The following COL4A1 variants were observed in gnomAD, a reference collection of about 807,000 sequenced individuals.
COL4A1 encodes collagen type IV alpha 1 chain, also known as collagen alpha-1(IV) chain.
Under a neutral mutation model 216.6 loss-of-function variants are expected in COL4A1, and 40 were observed. The ratio of observed to expected loss-of-function variants is 0.18; its 90% CI spans 0.14 to 0.24. The LOEUF (loss-of-function observed/expected upper bound fraction) is 0.24, where lower values mean the gene tolerates loss of function less well. Among genes scored for constraint, COL4A1 ranks in the 10% least tolerant of loss-of-function variants. The pLI is 1.00. For synonymous variants in COL4A1, 839 were observed against 810.7 expected (o/e 1.03, Z -0.59); for missense variants, 1,628 against 2,196.8 (o/e 0.74, Z 5.18).
chr13:110,163,004 C>T (rs1411762464), intron 47 of COL4A1, among the ~76,000 whole-genome samples: 3 of 152,242 alleles, frequency 2.0e-5, no homozygotes, highest in Non-Finnish European at 4.4e-5. Context: ...GGGCTGAGCT[C>T]TTTGTTCAAT....
intron 1 of COL4A1, among the ~76,000 whole-genome samples, chr13:110,264,682 A>C (rs1286293390): frequency 6.6e-6 from 1 of 152,214 alleles, no homozygotes; most frequent in African/African-American, 2.4e-5. Flanking sequence ...AGTGAATCAA[A>C]AGTATTAAAT....
chr13:110,174,019 C>T (rs947830354), intron 39 of COL4A1, 21 bp from the exon 40 acceptor site: 6 of 1,613,164 alleles, frequency 3.7e-6, no homozygotes, highest in Non-Finnish European at 5.1e-6. Flanking sequence ...AAAGTCACAT[C>T]AGACACCCGC....
At chr13:110,254,989 G>A (rs189217166) in intron 1 of COL4A1, among the ~76,000 whole-genome samples, 1 of 152,224 alleles carries the variant, frequency 6.6e-6, no homozygotes, top group African/African-American at 2.4e-5. Context: ...CAAGGAGCTT[G>A]CTGGTTAAGA....
intron 1 of COL4A1, among the ~76,000 whole-genome samples, chr13:110,257,010 G>C (rs376967070): frequency 6.6e-6 from 1 of 152,102 alleles, no homozygotes. Flanking sequence ...TGAAACTAAA[G>C]TGTAGTTTTC....
At chr13:110,212,510 G>A in intron 5 of COL4A1, 31 bp from the exon 6 acceptor site, 1 of 1,614,186 alleles carries the variant, frequency 6.2e-7, no homozygotes, top group Non-Finnish European at 8.5e-7. Flanking sequence ...ATGTAACCCA[G>A]GCAGAAAATC....
At chr13:110,177,133 A>G (rs1877925531) in intron 33 of COL4A1, 96 bp from the exon 34 acceptor site, 3 of 1,573,018 alleles carry the variant, frequency 1.9e-6, no homozygotes, top group Non-Finnish European at 2.6e-6. Context: ...GCAGCTGGCA[A>G]AAAGGCTACA....
Position 110,209,273 on chromosome 13 carries a change from T to TAAAG in COL4A1, c.651+118_651+119insCTTT, listed in dbSNP as rs35638294. On this transcript the variant is annotated intron_variant, in intron 11 of 51. Coordinates refer to ENST00000375820, the MANE Select transcript of COL4A1 (RefSeq NM_001845.6). ...ATAGATACTTAAAGGTATAGTTAGA[T>TAAAG]ATAGTGTTAATTTTCCAACTTTTTT... The TAAAG allele has an allele frequency of 0.25, 195,746 of 794,442 alleles. 26,206 individuals carry two copies. The highest frequency in any genetic ancestry group is 0.32 in the Admixed American group (14,613 of 45,972). 49.2% of individuals were successfully genotyped at this position (794,442 alleles called of 1,614,324 possible). A position where few individuals can be genotyped will look rare whatever the true frequency, so the allele number is the denominator to read the frequency against.
At chr13:110,245,810 G>A (rs1000651907) in intron 1 of COL4A1, among the ~76,000 whole-genome samples, 8 of 152,116 alleles carry the variant, frequency 5.3e-5, no homozygotes, top group South Asian at 4.1e-4. Flanking sequence ...ACCCCCAGCC[G>A]GTGCCGGTGA....
intron 1 of COL4A1, among the ~76,000 whole-genome samples, chr13:110,293,943 T>C (rs1329781171): frequency 1.3e-5 from 2 of 152,210 alleles, no homozygotes; most frequent in Non-Finnish European, 2.9e-5. Context: ...TTCTGATTCA[T>C]TTATCCCTAA....
chr13:110,159,402 G>C (rs1029866715), intron 49 of COL4A1, among the ~76,000 whole-genome samples: 1 of 152,140 alleles, frequency 6.6e-6, no homozygotes, highest in Non-Finnish European at 1.5e-5. Flanking sequence ...CGATTTCATA[G>C]GGGCCCCCTC....
At chr13:110,177,480 A>G (rs1178706961) in intron 33 of COL4A1, among the ~76,000 whole-genome samples, 2 of 152,244 alleles carry the variant, frequency 1.3e-5, no homozygotes, top group Admixed American at 1.3e-4. Flanking sequence ...AATAACGATA[A>G]GAAATAAAGA....
At chr13:110,202,237 T>C (rs997785173) in intron 18 of COL4A1, among the ~76,000 whole-genome samples, 1 of 140,870 alleles carries the variant, frequency 7.1e-6, no homozygotes, top group Non-Finnish European at 1.5e-5. Flanking sequence ...AGGAACACTC[T>C]TAAAAAAAAA....
chr13:110,189,772 C>G (rs543218419), intron 24 of COL4A1, among the ~76,000 whole-genome samples: 10 of 152,156 alleles, frequency 6.6e-5, no homozygotes, highest in Non-Finnish European at 7.3e-5. Flanking sequence ...CTTGTGGGCT[C>G]GGGCTGCCTT....
intron 2 of COL4A1, among the ~76,000 whole-genome samples, chr13:110,230,161 CGT>C (rs144788845): frequency 7.9e-5 from 12 of 151,714 alleles, no homozygotes; most frequent in Admixed American, 6.6e-4. Flanking sequence ...GAAGAAAGTG[CGT>C]GTGTGTGTGA....
In COL4A1 at chr13:110,282,197, T is replaced by C. The variant is rs116765428; in HGVS notation, c.84+24747A>G. The stretch of plus-strand genomic sequence containing the variant: ...CATATCAATGTCAATATTGTAAACT[T>C]GGATTCAGACAGACCTGAGTTTGAA... On this transcript the variant is annotated intron_variant, in intron 1 of 51. Transcript: ENST00000375820. Among the ~76,000 whole-genome samples, 472 of 152,324 alleles carry C rather than the reference T, an allele frequency of 3.1e-3. 3 individuals are homozygous for C. The highest frequency in any genetic ancestry group is 0.011 in the African/African-American group (459 of 41,568).
chr13:110,160,250 G>A (rs1468354243), intron 49 of COL4A1, among the ~76,000 whole-genome samples: 2 of 122,372 alleles, frequency 1.6e-5, no homozygotes, highest in African/African-American at 3.5e-5. Flanking sequence ...AGACCATCCT[G>A]GCTAACAAGG....
intron 15 of COL4A1, among the ~76,000 whole-genome samples, chr13:110,206,443 C>T (rs969679129): frequency 6.6e-6 from 1 of 152,232 alleles, no homozygotes; most frequent in Admixed American, 6.5e-5. Context: ...CCGGCGGTGG[C>T]ACCTTCAGTG....
intron 1 of COL4A1, among the ~76,000 whole-genome samples, chr13:110,293,170 C>G (rs571917756): frequency 6.6e-6 from 1 of 152,254 alleles, no homozygotes; most frequent in African/African-American, 2.4e-5. Flanking sequence ...GTTTAGCCCT[C>G]CCATGCAAAT....
At chr13:110,265,126 A>G (rs1026987212) in intron 1 of COL4A1, 15 of 152,198 alleles carry the variant, frequency 9.9e-5, no homozygotes, top group African/African-American at 3.4e-4. Context: ...TAGGCTCCAA[A>G]TGTTTCAAGT....
Sources: gnomAD v4.1 joint callset for allele counts (sites outside exome capture counted in the v4.1 genomes callset) on GRCh38, gnomAD v4.1.1 for gene constraint, MANE v1.5 for transcripts, NCBI Gene and HGNC (gene_info 2026-07-23, HGNC 2026-07-21) for gene names.